PRRC2A: variants seen among roughly 807,000 people sequenced by gnomAD.
PRRC2A encodes the protein protein PRRC2A.
Under a neutral mutation model 224.6 loss-of-function variants are expected in PRRC2A, and 59 were observed. The observed-to-expected ratio is 0.26, with a 90% CI of 0.21 to 0.33. The LOEUF (loss-of-function observed/expected upper bound fraction) is 0.33, where lower values mean the gene tolerates loss of function less well. Among genes scored for constraint, PRRC2A ranks in the 10% least tolerant of loss-of-function variants. The pLI is 1.00. For missense variants in PRRC2A, 3,095 were observed against 2,880.7 expected (o/e 1.07, Z -1.70); for synonymous variants, 1,194 against 1,109.5 (o/e 1.08, Z -1.51).
chr6:31,631,587 G>A lies in PRRC2A; in HGVS notation c.2914G>A (p.Gly972Arg), dbSNP rs1400221494. The change falls in exon 16 of 31, where the codon GGG (glycine) becomes AGG (arginine). Residue 972 changes from glycine to arginine, a missense_variant. Around this residue, in one of 8 missense-constraint regions of PRRC2A, gnomAD observed 2,001 missense variants for 1,764.9 expected, o/e 1.13. Transcript: ENST00000376033. The surrounding 1 kb of genome is among the most constrained non-coding windows in gnomAD (Gnocchi z 4.5). The stretch of plus-strand genomic sequence containing the variant: ...GCTGCCTCCCAAGCCCCTCGAACAG[G>A]GGGATGAAACCCCCAAACCCCCAAA... ...EELPPKPLEQGDETPKPPKPD... is the reference protein window; with the variant it reads ...EELPPKPLEQRDETPKPPKPD... The A allele has an allele frequency of 1.3e-6, 2 of 1,564,954 alleles. No homozygotes were observed. The highest frequency in any genetic ancestry group is 1.7e-6 in the Non-Finnish European group (2 of 1,160,358).
At position 31,636,688 on chromosome 6, in the gene PRRC2A, A is replaced by G. The variant is rs1176932061; in HGVS notation, c.5935-45A>G. ...CTTTGATTTTCCCTGGTTTTCTGAC[A>G]TTCCTCCCTGCCCCCAACATGCACA... On this transcript the variant is annotated intron_variant, in intron 27 of 30. Transcript: ENST00000376033. The surrounding 1 kb of genome is among the most constrained non-coding windows in gnomAD (Gnocchi z 4.3). 1 of 1,597,686 alleles carries G rather than the reference A, an allele frequency of 6.3e-7. No homozygotes were observed. The highest frequency in any genetic ancestry group is 1.3e-5 in the African/African-American group (1 of 74,696).
Position 31,637,127 on chromosome 6 carries a change from C to T in PRRC2A, c.6233C>T (p.Pro2078Leu). ...LGGPGSSRTP[P>L]TGRSFSGLNS... ...GGACCTGGATCATCACGGACTCCCC[C>T]AACTGGAAGGTGAAACGGAATAGGG... The change falls in exon 29 of 31, where the codon CCA becomes CTA. Residue 2078 changes from proline to leucine, a missense_variant. Pro to Leu is a moderately conservative substitution (Grantham distance 98). This residue lies in a region of PRRC2A where 662 missense variants were observed against 609.5 expected (regional missense o/e 1.09). Coordinates refer to ENST00000376033, the MANE Select transcript of PRRC2A (RefSeq NM_004638.4). 1.9e-6 allele frequency: 3 copies of T among 1,610,896 alleles called. No homozygotes were observed. Among genetic ancestry groups the T allele is most frequent in the Non-Finnish European group, 2.5e-6 (3 of 1,178,732 alleles).
At chr6:31,624,141 A>T (rs2260051) in intron 3 of PRRC2A, 120 bp from the exon 4 acceptor site, 667,933 of 1,178,306 alleles carry the variant, frequency 0.57, 192,652 homozygotes, top group East Asian at 0.66. Context: ...GACAAAATTA[A>T]TTTGTCCTTA....
Position 31,634,689 on chromosome 6 carries a change from C to T in PRRC2A, c.4936-64C>T, listed in dbSNP as rs537764148. ...CCCCTTTCTGCAGTTTGTATGTGTG[C>T]ATCAGTCAGGTATTGGGGTGCTTTC... On this transcript the variant is annotated intron_variant, in intron 20 of 30. Coordinates refer to ENST00000376033, the MANE Select transcript of PRRC2A (RefSeq NM_004638.4). 2.6e-4 allele frequency: 413 copies of T among 1,563,556 alleles called. 3 individuals carry two copies. The South Asian group carries it at 4.2e-3, about 16-fold the overall frequency.
Position 31,628,096 on chromosome 6 carries a change from C to T in PRRC2A, c.1622C>T (p.Thr541Ile), listed in dbSNP as rs1776123761. The change falls in exon 12 of 31, where the codon ACA becomes ATA. Residue 541 changes from threonine to isoleucine, a missense_variant. Around this residue, in one of 8 missense-constraint regions of PRRC2A, gnomAD observed 2,001 missense variants for 1,764.9 expected, o/e 1.13. Coordinates refer to ENST00000376033, the MANE Select transcript of PRRC2A (RefSeq NM_004638.4). ...GCTCCACCTCCAGCATCAGCCCCAACACCAGAGACAGAACCTGAAGAGCCA... is the reference window on the plus strand; with the variant it reads ...GCTCCACCTCCAGCATCAGCCCCAATACCAGAGACAGAACCTGAAGAGCCA... ...PPAPPPASAP[T>I]PETEPEEPAQ... 3 of 1,613,170 alleles carry T rather than the reference C, an allele frequency of 1.9e-6. No individual in the cohort carries two copies. Among genetic ancestry groups the T allele is most frequent in the Non-Finnish European group, 2.5e-6 (3 of 1,179,984 alleles).
At position 31,636,890 on chromosome 6, in the gene PRRC2A, C is replaced by G; in HGVS notation, c.6092C>G (p.Thr2031Ser). ...LAVRPPPAPA[T>S]RVLPSPARPF... ...GTGCGGCCCCCACCTGCTCCTGCTA[C>G]TCGGGTGCTGCCTTCACCTGCCAGG... The change falls in exon 28 of 31, where the codon ACT becomes AGT. Residue 2031 changes from threonine (T) to serine (S), a missense_variant. By Grantham distance (58) the Thr-to-Ser change is moderately conservative. Around this residue, in one of 8 missense-constraint regions of PRRC2A, gnomAD observed 662 missense variants for 609.5 expected, o/e 1.09. Coordinates refer to ENST00000376033, the MANE Select transcript of PRRC2A (RefSeq NM_004638.4). This position sits in a 1 kb window ranked among gnomAD's most constrained non-coding sequence, Gnocchi z 4.3. 2 of 1,613,022 alleles carry G rather than the reference C, an allele frequency of 1.2e-6. No homozygotes were observed. Among genetic ancestry groups the G allele is most frequent in the Non-Finnish European group, 1.7e-6 (2 of 1,179,998 alleles).
Position 31,629,598 on chromosome 6 carries a change from G to C in PRRC2A, c.2007G>C (p.Gln669His). The C allele has an allele frequency of 6.2e-7, 1 of 1,612,232 alleles. No individual in the cohort carries two copies. The highest frequency in any genetic ancestry group is 8.5e-7 in the Non-Finnish European group (1 of 1,179,324). Reference sequence around the variant, plus strand: ...AGCACCAGTGGCAGCAGCATCAACAGGGCTCTGCCCCTCCTACCCCAGTGC... The same window carrying C: ...AGCACCAGTGGCAGCAGCATCAACACGGCTCTGCCCCTCCTACCCCAGTGC... ...QQQHQWQQHQ[Q>H]GSAPPTPVPP... The change falls in exon 14 of 31, where the codon CAG becomes CAC. Residue 669 changes from glutamine to histidine, a missense_variant. Around this residue, in one of 8 missense-constraint regions of PRRC2A, gnomAD observed 2,001 missense variants for 1,764.9 expected, o/e 1.13. Coordinates refer to ENST00000376033, the MANE Select transcript of PRRC2A (RefSeq NM_004638.4).
At chr6:31,635,808 G>T in intron 24 of PRRC2A, 59 bp downstream of exon 24, 4 of 1,519,742 alleles carry the variant, frequency 2.6e-6, no homozygotes, top group Admixed American at 2.1e-5. Context: ...TTTCTGCCTG[G>T]TATGTATTTA....
In PRRC2A at chr6:31,628,060, C is replaced by G. The variant is rs1165960049; in HGVS notation, c.1586C>G (p.Pro529Arg). 1.2e-6 allele frequency: 2 copies of G among 1,612,938 alleles called. No individual in the cohort carries two copies. The highest frequency in any genetic ancestry group is 1.3e-5 in the African/African-American group (1 of 74,910). Residue 529 changes from proline (P) to arginine (R), a missense_variant, in exon 12 of 31, where the codon CCT becomes CGT. Around this residue, in one of 8 missense-constraint regions of PRRC2A, gnomAD observed 2,001 missense variants for 1,764.9 expected, o/e 1.13. Transcript: ENST00000376033. ...CCACCTGCAGTCCCTAAAGAACTCC[C>G]TGCACCTCCAGCTCCACCTCCAGCA... ...APPPAVPKEL[P>R]APPAPPPASA... is the part of the protein sequence containing the mutation.
At chr6:31,629,465 C>T (rs1776288174) in intron 13 of PRRC2A, 83 bp from the exon 14 acceptor site, 1 of 1,429,556 alleles carries the variant, frequency 7.0e-7, no homozygotes, top group South Asian at 1.2e-5. Flanking sequence ...GCCAATTTCC[C>T]CTAGTCCAAG....
chr6:31,634,613 AC>A (rs368847439), intron 20 of PRRC2A, 56 bp downstream of exon 20: 44 of 1,593,788 alleles, frequency 2.8e-5, no homozygotes, highest in African/African-American at 2.0e-4. Context: ...CACTGGTCAT[AC>A]CCCCCACCTG....
At chr6:31,634,113 TTA>T in intron 18 of PRRC2A, 121 bp from the exon 19 acceptor site, 1 of 1,567,910 alleles carries the variant, frequency 6.4e-7, no homozygotes, top group Non-Finnish European at 8.6e-7. Context: ...ATTCTCAGTA[TTA>T]GTCTCCCATG....
intron 2 of PRRC2A, chr6:31,623,344 C>A (rs2150492497): frequency 2.5e-6 from 1 of 398,110 alleles, no homozygotes; most frequent in East Asian, 6.0e-5. Flanking sequence ...CTTGACTTAC[C>A]ACAACCTCCA....
intron 3 of PRRC2A, 62 bp from the exon 4 acceptor site, chr6:31,624,199 C>G (rs1172067189): frequency 6.8e-7 from 1 of 1,462,254 alleles, no homozygotes; most frequent in Non-Finnish European, 9.5e-7. Context: ...TGAGTCTCCA[C>G]CAGTTGGAGA....
intron 1 of PRRC2A, 66 bp downstream of exon 1, chr6:31,620,924 TGGC>T (rs774916233): frequency 1.0e-4 from 16 of 155,874 alleles, no homozygotes; most frequent in Non-Finnish European, 1.8e-4. Context: ...GCGGTGGCGG[TGGC>T]GGCGGCGGCG....
chr6:31,630,494 A>G lies in PRRC2A; in HGVS notation c.2255-97A>G. ...GGCCCGGACCTACTGGGAACAAGAG[A>G]TGGAAGAGCTGACTTGACCGCGAGG... On this transcript the variant is annotated intron_variant, in intron 14 of 30. Transcript: ENST00000376033. The G allele has an allele frequency of 3.2e-6, 4 of 1,232,958 alleles. No individual in the cohort carries two copies. In the South Asian group the frequency reaches 4.0e-5, roughly 12 times the overall value. The allele number at this position is 1,232,958 out of a possible 1,614,324, so 76.4% of individuals were successfully genotyped here.
chr6:31,625,013 T>C lies in PRRC2A; in HGVS notation c.464-158T>C. The C allele has an allele frequency of 1.3e-6, 1 of 774,806 alleles. No individual in the cohort carries two copies. 48.0% of individuals were successfully genotyped at this position (774,806 alleles called of 1,614,324 possible). ...ATGGGGTTTCACATGTTGGCCAGGA[T>C]GGTCTCGATCTCTTGACCTCGTGAT... On this transcript the variant is annotated intron_variant, in intron 5 of 30. Transcript: ENST00000376033. This position sits in a 1 kb window ranked among gnomAD's most constrained non-coding sequence, Gnocchi z 4.1.
At chr6:31,623,683 G>C (rs753308616) in intron 2 of PRRC2A, 49 bp from the exon 3 acceptor site, 2 of 1,591,092 alleles carry the variant, frequency 1.3e-6, no homozygotes, top group African/African-American at 2.7e-5. Flanking sequence ...GAGGCCATCA[G>C]ATCTCCCACA....
At position 31,631,568 on chromosome 6, in the gene PRRC2A, T is replaced by G; in HGVS notation, c.2895T>G (p.Pro965=). 6.3e-7 allele frequency: 1 copy of G among 1,586,390 alleles called. No homozygotes were observed. The highest frequency in any genetic ancestry group is 2.2e-5 in the East Asian group (1 of 44,550). ...CACCTACAAAAGTAGAAGAGCTGCC[T>G]CCCAAGCCCCTCGAACAGGGGGATG... The part of the protein sequence containing the change: ...PPPPTKVEEL[P]PKPLEQGDET... Residue 965 remains proline (P), a synonymous_variant, in exon 16 of 31, where the codon CCT becomes CCG. Coordinates refer to ENST00000376033, the MANE Select transcript of PRRC2A (RefSeq NM_004638.4). The surrounding 1 kb of genome is among the most constrained non-coding windows in gnomAD (Gnocchi z 4.5).
Sources: gnomAD v4.1 joint callset for allele counts on GRCh38, gnomAD v4.1.1 for gene constraint, gnomAD v4.1.1 regional missense constraint, Gnocchi (gnomAD v3.1) non-coding constraint, MANE v1.5 for transcripts, NCBI Gene and HGNC (gene_info 2026-07-23, HGNC 2026-07-21) for gene names.